VAPB: variants seen among roughly 807,000 people sequenced by gnomAD.
VAPB encodes the protein VAMP associated protein B and C, also known as vesicle-associated membrane protein-associated protein B/C.
A neutral mutation model predicts 25.6 loss-of-function variants in VAPB; 7 were observed. The observed-to-expected ratio is 0.27, with a 90% CI of 0.16 to 0.51. VAPB has a LOEUF of 0.51. VAPB is among the 20% of genes least tolerant of loss of function. The probability of loss-of-function intolerance (pLI) is 0.97; values close to 1 mark genes in which losing one functional copy is unlikely to be tolerated. For missense variants in VAPB, 266 were observed against 301.3 expected, an observed-to-expected ratio of 0.88 and a Z score of 0.87; for synonymous variants, 112 against 109.2, an observed-to-expected ratio of 1.03 and a Z score of -0.16.
intron 1 of VAPB, among the ~76,000 whole-genome samples, chr20:58,392,071 T>C (rs1987814511): frequency 6.6e-6 from 1 of 152,220 alleles, no homozygotes. Flanking sequence ...AGGCACTCAT[T>C]TGAGAAAATT....
intron 2 of VAPB, among the ~76,000 whole-genome samples, chr20:58,420,147 G>A (rs1200303105): frequency 6.6e-6 from 1 of 152,016 alleles, no homozygotes; most frequent in Admixed American, 6.6e-5. Flanking sequence ...CACCACACCT[G>A]GTAATTTTTG....
chr20:58,439,201 A>T, intron 4 of VAPB, 176 bp downstream of exon 4: 1 of 630,502 alleles, frequency 1.6e-6, no homozygotes, highest in Non-Finnish European at 2.8e-6. Context: ...TCAGCCTTTG[A>T]AAAACTCACG....
chr20:58,443,671 C>T (rs1320058691), intron 5 of VAPB, among the ~76,000 whole-genome samples: 1 of 151,962 alleles, frequency 6.6e-6, no homozygotes, highest in African/African-American at 2.4e-5. Flanking sequence ...TCAAGGAAGG[C>T]TATTCATTAG....
At chr20:58,432,694 C>T (rs549231809) in intron 2 of VAPB, among the ~76,000 whole-genome samples, 31 of 152,226 alleles carry the variant, frequency 2.0e-4, no homozygotes, top group South Asian at 8.3e-4. Context: ...TGTGTGTTTT[C>T]GTTATTGCAA....
intron 2 of VAPB, among the ~76,000 whole-genome samples, chr20:58,421,462 C>A (rs527404684): frequency 2.6e-5 from 4 of 152,186 alleles, no homozygotes; most frequent in Non-Finnish European, 4.4e-5. Flanking sequence ...GTGTAATATT[C>A]ATTTGTTTTA....
chr20:58,433,821 A>T (rs571424869), intron 2 of VAPB, among the ~76,000 whole-genome samples: 9 of 152,336 alleles, frequency 5.9e-5, no homozygotes, highest in African/African-American at 2.2e-4. Flanking sequence ...AAGTTGTCTC[A>T]GGGAACTTAA....
At chr20:58,421,956 C>T (rs1988678195) in intron 2 of VAPB, among the ~76,000 whole-genome samples, 1 of 152,192 alleles carries the variant, frequency 6.6e-6, no homozygotes, top group South Asian at 2.1e-4. Context: ...ACCTATCATG[C>T]TATTTTCTTC....
intron 2 of VAPB, among the ~76,000 whole-genome samples, chr20:58,419,812 G>C (rs759449907): frequency 2.0e-5 from 3 of 152,046 alleles, no homozygotes; most frequent in African/African-American, 4.8e-5. Flanking sequence ...TTCCATGCCT[G>C]TATCAAATTT....
intron 1 of VAPB, among the ~76,000 whole-genome samples, chr20:58,393,500 C>T (rs932796430): frequency 2.6e-5 from 4 of 152,132 alleles, no homozygotes; most frequent in South Asian, 2.1e-4. Flanking sequence ...GAGAGCTTTC[C>T]GAATGAGTCA....
chr20:58,410,365 A>G (rs992767806), intron 1 of VAPB, among the ~76,000 whole-genome samples: 10 of 152,186 alleles, frequency 6.6e-5, no homozygotes, highest in Non-Finnish European at 1.5e-4. Flanking sequence ...AAACTGCTCT[A>G]TGCTCCTTGT....
rs570107043 is a variant in VAPB, at chr20:58,427,792, C to A, written c.212-6810C>A. 2.7e-3 allele frequency among the ~76,000 whole-genome samples: 410 copies of A among 151,952 alleles called. 2 individuals are homozygous for A. Among genetic ancestry groups the A allele is most frequent in the African/African-American group, 9.7e-3 (401 of 41,396 alleles). ...ATGAAAGTGATCTGTGATCTGTTAC[C>A]ATTATGATGCAGGCGAAAGTGATCT... is the stretch of plus-strand genomic sequence containing the variant. On this transcript the variant is annotated intron_variant, in intron 2 of 5. Transcript: ENST00000475243.
rs1226496628 is a variant in VAPB at position 58,418,278 on chromosome 20, T to C, written c.126T>C (p.Phe42=). 1.9e-6 allele frequency: 3 copies of C among 1,614,206 alleles called. No homozygotes were observed. The highest frequency in any genetic ancestry group is 2.5e-6 in the Non-Finnish European group (3 of 1,180,046). The part of the protein sequence containing the change: ...LGNPTDRNVC[F]KVKTTAPRRY... The stretch of plus-strand genomic sequence containing the variant: ...ACCCGACAGACCGAAATGTGTGTTT[T>C]AAGGTGAAGACTACAGCACCACGTA... Residue 42 remains phenylalanine (F), a synonymous_variant, in exon 2 of 6, where the codon TTT becomes TTC. Transcript: ENST00000475243.
rs1377917130 is a variant in VAPB, at chr20:58,411,568, GGCCAGACA to G, written c.59-6642_59-6635del. Among the ~76,000 whole-genome samples the G allele has an allele frequency of 4.6e-5, 7 of 152,158 alleles. No homozygotes were observed. The East Asian group carries it at 1.4e-3, about 29-fold the overall frequency. On this transcript the variant is annotated intron_variant, in intron 1 of 5. Coordinates refer to ENST00000475243, the MANE Select transcript of VAPB (RefSeq NM_004738.5). ...ATTACAGGCGTGAGCCACCGCACCC[GGCCAGACA>G]TCTTTTCGTATGTTTATTTGCTTTC... is the stretch of plus-strand genomic sequence containing the variant.
rs117868739 is a variant in VAPB at position 58,412,168 on chromosome 20, G to C, written c.59-6043G>C. On this transcript the variant is annotated intron_variant, in intron 1 of 5. Transcript: ENST00000475243. ...CATGGATTTTGTTTTGGTGTTGTAAGTAGTCATCTCCAAATCCAAGGCCAT... is the reference window on the plus strand; with the variant it reads ...CATGGATTTTGTTTTGGTGTTGTAACTAGTCATCTCCAAATCCAAGGCCAT... 2.4e-3 allele frequency among the ~76,000 whole-genome samples: 370 copies of C among 152,254 alleles called. 1 individual carries two copies. Among genetic ancestry groups the C allele is most frequent in the Middle Eastern group, 6.8e-3 (2 of 294 alleles).
intron 2 of VAPB, among the ~76,000 whole-genome samples, chr20:58,421,844 G>A (rs1207877648): frequency 6.6e-6 from 1 of 152,136 alleles, no homozygotes; most frequent in Non-Finnish European, 1.5e-5. Flanking sequence ...GACATGGAAA[G>A]CCAGATGTCT....
rs1294602539 is a variant in VAPB at position 58,449,696 on chromosome 20, A to G, written c.*5461A>G. 1 of 454,126 alleles carries G rather than the reference A, an allele frequency of 2.2e-6. No homozygotes were observed. The highest frequency in any genetic ancestry group is 4.4e-6 in the Non-Finnish European group (1 of 226,788). The allele number at this position is 454,126 out of a possible 1,614,324, so 28.1% of individuals were successfully genotyped here. A position where few individuals can be genotyped will look rare whatever the true frequency, so the allele number is the denominator to read the frequency against. On this transcript the variant is annotated 3_prime_UTR_variant, in exon 6 of 6. Coordinates refer to ENST00000475243, the MANE Select transcript of VAPB (RefSeq NM_004738.5). ...GATGTTTATTTTTAAACCAGGAAAC[A>G]TTGATCCTGTAACAATGCCCGATTA... is the stretch of plus-strand genomic sequence containing the variant.
rs976812835 is a variant in VAPB, at chr20:58,450,466, T to C, written c.*6231T>C. 5.1e-5 allele frequency: 23 copies of C among 453,792 alleles called. No homozygotes were observed. In the Admixed American group the frequency reaches 5.4e-4, roughly 11 times the overall value. 28.1% of individuals were successfully genotyped at this position (453,792 alleles called of 1,614,324 possible). A position where few individuals can be genotyped will look rare whatever the true frequency, so the allele number is the denominator to read the frequency against. On this transcript the variant is annotated 3_prime_UTR_variant, in exon 6 of 6. Coordinates refer to ENST00000475243, the MANE Select transcript of VAPB (RefSeq NM_004738.5). The stretch of plus-strand genomic sequence containing the variant: ...TCAAGATGATACACCGAGAGAAAAA[T>C]GCAAAATATATTTGGTTCTCATTTC...
At chr20:58,417,105 T>A (rs570639073) in intron 1 of VAPB, among the ~76,000 whole-genome samples, 1 of 152,344 alleles carries the variant, frequency 6.6e-6, no homozygotes, top group East Asian at 1.9e-4. Flanking sequence ...GTAAAGGACT[T>A]GCCTAGAGGA....
chr20:58,412,233 T>C (rs1164256979), intron 1 of VAPB, among the ~76,000 whole-genome samples: 3 of 152,166 alleles, frequency 2.0e-5, no homozygotes, highest in Admixed American at 6.5e-5. Flanking sequence ...TTTTATAGTT[T>C]GGGGTCTAAA....
Sources: allele counts gnomAD v4.1 joint callset (sites outside exome capture counted in the v4.1 genomes callset), GRCh38; gene constraint gnomAD v4.1.1; transcripts MANE v1.5; gene names NCBI Gene and HGNC (gene_info 2026-07-23, HGNC 2026-07-21).